The following ADAMTS20 variants were observed in gnomAD, a reference collection of about 807,000 sequenced individuals.
ADAMTS20 encodes the protein ADAM metallopeptidase with thrombospondin type 1 motif 20, also known as A disintegrin and metalloproteinase with thrombospondin motifs 20.
ADAMTS20 carries 225 observed loss-of-function variants against 260.1 expected under a neutral mutation model. That is an observed-to-expected ratio of 0.87 (90% CI 0.78 to 0.97). The LOEUF (loss-of-function observed/expected upper bound fraction) is 0.97. ADAMTS20 is among the 50% of genes least tolerant of loss of function. ADAMTS20 has a pLI of 0.00. For missense variants in ADAMTS20, 2,400 were observed against 2,337.7 expected, an observed-to-expected ratio of 1.03 and a Z score of -0.55; for synonymous variants, 802 against 769.5, an observed-to-expected ratio of 1.04 and a Z score of -0.70.
chr12:43,360,187 G>T (rs903458001), intron 37 of ADAMTS20, among the ~76,000 whole-genome samples: 3 of 152,172 alleles, frequency 2.0e-5, no homozygotes, highest in Non-Finnish European at 4.4e-5. Flanking sequence ...GGTGGCTCAC[G>T]CCTGTAATCC....
chr12:43,430,122 G>A (rs1941411492), intron 23 of ADAMTS20, among the ~76,000 whole-genome samples: 1 of 149,964 alleles, frequency 6.7e-6, no homozygotes. Flanking sequence ...TTAAATGAGT[G>A]AGCCCTTAGC....
At chr12:43,474,022 C>A (rs1426092925) in intron 7 of ADAMTS20, among the ~76,000 whole-genome samples, 1 of 151,022 alleles carries the variant, frequency 6.6e-6, no homozygotes, top group Non-Finnish European at 1.5e-5. Context: ...ACACAAAAAA[C>A]CCTTCAAAAA....
chr12:43,452,455 G>T (rs755730252), intron 13 of ADAMTS20, 45 bp from the exon 14 acceptor site: 2 of 1,607,218 alleles, frequency 1.2e-6, no homozygotes, highest in East Asian at 4.5e-5. Flanking sequence ...TAATAATAAA[G>T]CTATGTGTTC....
intron 28 of ADAMTS20, among the ~76,000 whole-genome samples, chr12:43,421,770 T>C (rs868649414): frequency 6.6e-6 from 1 of 152,046 alleles, no homozygotes; most frequent in African/African-American, 2.4e-5. Flanking sequence ...TCTTATACTT[T>C]TAAATCCCAG....
chr12:43,541,843 A>T (rs1412179643), intron 2 of ADAMTS20, among the ~76,000 whole-genome samples: 3 of 152,184 alleles, frequency 2.0e-5, no homozygotes, highest in Non-Finnish European at 2.9e-5. Context: ...CCATTCTGAG[A>T]CAATTCCAGA....
chr12:43,509,030 G>A (rs985919391), intron 3 of ADAMTS20, among the ~76,000 whole-genome samples: 4 of 152,066 alleles, frequency 2.6e-5, no homozygotes, highest in African/African-American at 9.7e-5. Flanking sequence ...TCCTGAGTTA[G>A]TTTGCTGAGG....
intron 11 of ADAMTS20, among the ~76,000 whole-genome samples, chr12:43,462,534 A>G (rs891973148): frequency 1.3e-5 from 2 of 152,214 alleles, no homozygotes; most frequent in African/African-American, 4.8e-5. Flanking sequence ...TTTAAGGGAG[A>G]AAACGTATGA....
In ADAMTS20 at chr12:43,407,732, G is replaced by A. The variant is rs533097566; in HGVS notation, c.4285-8499C>T. Among the ~76,000 whole-genome samples the A allele has an allele frequency of 2.6e-5, 4 of 152,122 alleles. No homozygotes were observed. The South Asian group carries it at 8.3e-4, about 32-fold the overall frequency. The stretch of plus-strand genomic sequence containing the variant: ...TTAATTTTCTTCAATAATAAGTTTT[G>A]ATAAAGAATCATTTCAAACCTGCAA... On this transcript the variant is annotated intron_variant, in intron 28 of 38. Coordinates refer to ENST00000389420, the MANE Select transcript of ADAMTS20 (RefSeq NM_025003.5).
chr12:43,537,591 T>C (rs1464394976), intron 2 of ADAMTS20, among the ~76,000 whole-genome samples: 1 of 152,112 alleles, frequency 6.6e-6, no homozygotes, highest in Admixed American at 6.6e-5. Context: ...AGTCACCTGT[T>C]GTACTAGCAA....
Position 43,551,817 on chromosome 12 carries a change from C to A in ADAMTS20, c.91+14G>T. ...CCCCACTTAGCCGCTGAAGGCGTCTCGCGGTGACTTTACCTTGCCTGGGGT... is the reference window on the plus strand; with the variant it reads ...CCCCACTTAGCCGCTGAAGGCGTCTAGCGGTGACTTTACCTTGCCTGGGGT... On this transcript the variant is annotated intron_variant, in intron 1 of 38. Coordinates refer to ENST00000389420, the MANE Select transcript of ADAMTS20 (RefSeq NM_025003.5). This position sits in a 1 kb window ranked among gnomAD's most constrained non-coding sequence, Gnocchi z 4.6. 1.9e-6 allele frequency: 3 copies of A among 1,612,868 alleles called. No individual in the cohort carries two copies. Among genetic ancestry groups the A allele is most frequent in the Non-Finnish European group, 1.7e-6 (2 of 1,179,470 alleles).
At chr12:43,422,785 T>C (rs538509348) in intron 28 of ADAMTS20, 5 of 152,204 alleles carry the variant, frequency 3.3e-5, no homozygotes, top group African/African-American at 9.6e-5. Context: ...TATTTGGCAA[T>C]CTGTGATTAT....
At chr12:43,530,796 A>T (rs989636692) in intron 3 of ADAMTS20, among the ~76,000 whole-genome samples, 15 of 152,080 alleles carry the variant, frequency 9.9e-5, no homozygotes, top group African/African-American at 3.6e-4. Context: ...TAAGTATTTT[A>T]CCAGCCACAG....
intron 27 of ADAMTS20, among the ~76,000 whole-genome samples, chr12:43,426,214 T>C (rs779498313): frequency 1.2e-4 from 18 of 152,166 alleles, no homozygotes; most frequent in Non-Finnish European, 1.9e-4. Flanking sequence ...CTAAAACTCA[T>C]GCAGAACAAA....
At chr12:43,478,285 A>G (rs1021495971) in intron 7 of ADAMTS20, among the ~76,000 whole-genome samples, 9 of 152,046 alleles carry the variant, frequency 5.9e-5, no homozygotes, top group African/African-American at 2.2e-4. Context: ...GTGAAATACC[A>G]GATTAGACAT....
intron 3 of ADAMTS20, among the ~76,000 whole-genome samples, chr12:43,523,712 A>G (rs1943102505): frequency 6.6e-6 from 1 of 152,042 alleles, no homozygotes; most frequent in African/African-American, 2.4e-5. Context: ...AGAGGAAGCT[A>G]TGCTCTCCTC....
intron 3 of ADAMTS20, among the ~76,000 whole-genome samples, chr12:43,528,719 G>C (rs550943847): frequency 1.2e-3 from 182 of 152,114 alleles, no homozygotes; most frequent in Middle Eastern, 3.4e-3. Context: ...AGAAACCCTA[G>C]GGAAAACTCT....
intron 28 of ADAMTS20, among the ~76,000 whole-genome samples, chr12:43,415,194 T>C (rs529133810): frequency 6.6e-6 from 1 of 152,286 alleles, no homozygotes; most frequent in Non-Finnish European, 1.5e-5. Flanking sequence ...GGTTACCTTT[T>C]GGGAAGATAG....
chr12:43,385,249 T>A (rs907291058), intron 29 of ADAMTS20, among the ~76,000 whole-genome samples: 3 of 152,242 alleles, frequency 2.0e-5, no homozygotes, highest in African/African-American at 7.2e-5. Context: ...GCCCCATAAA[T>A]GTCTTCTTTT....
At chr12:43,460,288 A>C (rs1379328658) in intron 11 of ADAMTS20, among the ~76,000 whole-genome samples, 1 of 152,214 alleles carries the variant, frequency 6.6e-6, no homozygotes, top group Non-Finnish European at 1.5e-5. Context: ...TGCCTATCCT[A>C]CCATCTCATT....
Sources: gnomAD v4.1 joint callset for allele counts (sites outside exome capture counted in the v4.1 genomes callset) on GRCh38, gnomAD v4.1.1 for gene constraint, Gnocchi (gnomAD v3.1) non-coding constraint, MANE v1.5 for transcripts, NCBI Gene and HGNC (gene_info 2026-07-23, HGNC 2026-07-21) for gene names.